Variants in NIBAN2 observed in about 807,000 individuals in gnomAD.
NIBAN2 encodes the protein protein Niban 2.
Under a neutral mutation model 81.8 loss-of-function variants are expected in NIBAN2, and 36 were observed. The ratio of observed to expected loss-of-function variants is 0.44; its 90% CI spans 0.34 to 0.58. The LOEUF is 0.58. Among genes scored for constraint, NIBAN2 ranks in the 20% least tolerant of loss-of-function variants. NIBAN2 has a pLI of 0.02. For synonymous variants in NIBAN2, 445 were observed against 441.6 expected (o/e 1.01, Z -0.10); for missense variants, 897 against 1,014.1 (o/e 0.88, Z 1.57).
intron 1 of NIBAN2, among the ~76,000 whole-genome samples, chr9:127,538,121 AC>A (rs1231151934): frequency 6.6e-6 from 1 of 152,090 alleles, no homozygotes; most frequent in African/African-American, 2.4e-5. Context: ...CTGAGAGCCA[AC>A]CCTTTCAGCA....
rs745411805 is a variant in NIBAN2, at chr9:127,517,040, T to C, written c.811-21A>G. ...GAGATCTGTGGGCAGAGCAGCTGAA[T>C]TGGCACCAGGGCTGAGGGCACCGCA... On this transcript the variant is annotated intron_variant, in intron 7 of 13. Transcript: ENST00000373312. The surrounding 1 kb of genome is among the most constrained non-coding windows in gnomAD (Gnocchi z 4.0). 48 of 1,611,928 alleles carry C rather than the reference T, an allele frequency of 3.0e-5. 1 individual carries two copies. Among genetic ancestry groups the C allele is most frequent in the Non-Finnish European group, 3.7e-5 (44 of 1,178,572 alleles).
chr9:127,538,000 C>T (rs1837309686), intron 1 of NIBAN2, among the ~76,000 whole-genome samples: 1 of 152,178 alleles, frequency 6.6e-6, no homozygotes, highest in Admixed American at 6.6e-5. Flanking sequence ...CCTCTGTCTC[C>T]ACCTGGTGTC....
intron 4 of NIBAN2, chr9:127,524,737 G>A (rs1837028058): frequency 3.8e-6 from 1 of 260,218 alleles, no homozygotes; most frequent in Non-Finnish European, 7.5e-6. Flanking sequence ...TCATCAGAGA[G>A]GCCAATGTTG....
chr9:127,527,222 T>G lies in NIBAN2; in HGVS notation c.287A>C (p.Tyr96Ser), dbSNP rs770984314. The G allele has an allele frequency of 7.4e-6, 12 of 1,613,498 alleles. No individual in the cohort carries two copies. In the East Asian group the frequency reaches 2.7e-4, roughly 36 times the overall value. ...TTTGTTTTCGTAGAGCACCAGCCCG[T>G]AGTTGTGGGGCACGAGGCTGAAGCG... The part of the protein sequence containing the change: ...RNRFSLVPHN[Y>S]GLVLYENKAA... Residue 96 changes from tyrosine (Y) to serine (S), a missense_variant, in exon 3 of 14, where the codon TAC becomes TCC. Physicochemically the swap from Tyr to Ser is moderately radical, Grantham distance 144 (BLOSUM62 -2). Around this residue, in one of 3 missense-constraint regions of NIBAN2, gnomAD observed 209 missense variants for 208.4 expected, o/e 1.00. Coordinates refer to ENST00000373312, the MANE Select transcript of NIBAN2 (RefSeq NM_022833.4).
At chr9:127,522,355 C>T (rs568280488) in intron 5 of NIBAN2, among the ~76,000 whole-genome samples, 282 of 152,286 alleles carry the variant, frequency 1.9e-3, no homozygotes, top group Non-Finnish European at 3.4e-3. Context: ...TGCAACCTTC[C>T]ACCTCTGCAC....
chr9:127,539,171 CAG>C (rs1441444911), intron 1 of NIBAN2, among the ~76,000 whole-genome samples: 3 of 152,110 alleles, frequency 2.0e-5, no homozygotes, highest in East Asian at 1.9e-4. Flanking sequence ...AAGTGAGGCT[CAG>C]AGAGACTCAC....
At chr9:127,548,364 C>T (rs779040116) in intron 1 of NIBAN2, among the ~76,000 whole-genome samples, 5 of 152,154 alleles carry the variant, frequency 3.3e-5, no homozygotes, top group Admixed American at 6.5e-5. Flanking sequence ...CTGGCCTTGC[C>T]GCCTCTCCCT....
At chr9:127,573,311 T>TG (rs111871619), upstream of NIBAN2, among the ~76,000 whole-genome samples, 4,158 of 151,588 alleles carry the variant, frequency 0.027, 73 homozygotes, top group Middle Eastern at 0.048. Context: ...CAGAATTTGT[T>TG]GTTTTTTTTT....
chr9:127,540,301 C>T (rs1469191790), intron 1 of NIBAN2, among the ~76,000 whole-genome samples: 12 of 152,130 alleles, frequency 7.9e-5, no homozygotes, highest in Non-Finnish European at 1.8e-4. Context: ...GGTACCAGGC[C>T]CACTGTGCAG....
rs746127851 is a variant in NIBAN2, at chr9:127,516,914, G to T, written c.916C>A (p.Arg306=). 1.2e-6 allele frequency: 2 copies of T among 1,614,176 alleles called. No homozygotes were observed. Among genetic ancestry groups the T allele is most frequent in the Non-Finnish European group, 1.7e-6 (2 of 1,180,030 alleles). Reference sequence around the variant, plus strand: ...GTGATAATTTGGTCCATGTCAGTTCGGATGACGGCCTGCATGGCCGGCTGC... The same window carrying T: ...GTGATAATTTGGTCCATGTCAGTTCTGATGACGGCCTGCATGGCCGGCTGC... ...QVQPAMQAVI[R]TDMDQIITSK... The change falls in exon 8 of 14, where the codon CGA becomes AGA. Residue 306 remains arginine (R), a synonymous_variant. Transcript: ENST00000373312.
Position 127,508,029 on chromosome 9 carries a change from A to T in NIBAN2, c.1543-51T>A. On this transcript the variant is annotated intron_variant, in intron 12 of 13. Transcript: ENST00000373312. This position sits in a 1 kb window ranked among gnomAD's most constrained non-coding sequence, Gnocchi z 6.4. ...AGAGGTCAGGGCCAAGGGTAGAGGGAGGCCTGTGGGCTCCATCCCCCAACT... is the reference window on the plus strand; with the variant it reads ...AGAGGTCAGGGCCAAGGGTAGAGGGTGGCCTGTGGGCTCCATCCCCCAACT... 1.2e-6 allele frequency: 2 copies of T among 1,611,064 alleles called. No homozygotes were observed. The highest frequency in any genetic ancestry group is 1.7e-6 in the Non-Finnish European group (2 of 1,177,418).
At chr9:127,523,938 G>A (rs1374443296) in intron 4 of NIBAN2, 92 bp from the exon 5 acceptor site, 13 of 1,424,592 alleles carry the variant, frequency 9.1e-6, no homozygotes, top group Non-Finnish European at 1.2e-5. Context: ...TCAGCTCTGA[G>A]GTCAGGCTCA....
chr9:127,575,888 C>T (rs1468015335), intron 1 of NIBAN2, among the ~76,000 whole-genome samples: 1 of 152,114 alleles, frequency 6.6e-6, no homozygotes, highest in Non-Finnish European at 1.5e-5. Flanking sequence ...CAGCCTTCAA[C>T]CTCAGCTAAT....
chr9:127,557,947 T>C (rs1588185839), intron 1 of NIBAN2, among the ~76,000 whole-genome samples: 1 of 152,160 alleles, frequency 6.6e-6, no homozygotes, highest in East Asian at 1.9e-4. Context: ...TTGACCAAGG[T>C]CACACAGTGA....
intron 8 of NIBAN2, among the ~76,000 whole-genome samples, chr9:127,512,890 TC>T (rs765565258): frequency 3.3e-5 from 5 of 152,150 alleles, no homozygotes; most frequent in Non-Finnish European, 7.4e-5. Context: ...ATAAAGGAAA[TC>T]AGCCCATCGC....
At chr9:127,540,547 G>T (rs976770924) in intron 1 of NIBAN2, among the ~76,000 whole-genome samples, 1 of 152,212 alleles carries the variant, frequency 6.6e-6, no homozygotes, top group East Asian at 1.9e-4. Flanking sequence ...TCAACCTCGG[G>T]CCAGGTGGTA....
At chr9:127,510,749 T>A (rs759243611) in intron 8 of NIBAN2, among the ~76,000 whole-genome samples, 1 of 152,100 alleles carries the variant, frequency 6.6e-6, no homozygotes, top group Non-Finnish European at 1.5e-5. Context: ...ATTATTTTAT[T>A]TGAGACAGGG....
chr9:127,539,414 G>A (rs1352032312), intron 1 of NIBAN2, among the ~76,000 whole-genome samples: 1 of 152,126 alleles, frequency 6.6e-6, no homozygotes, highest in African/African-American at 2.4e-5. Flanking sequence ...TACAGACGAG[G>A]AAACCGAGGC....
chr9:127,509,137 G>T lies in NIBAN2; in HGVS notation c.1162-6C>A. The T allele has an allele frequency of 6.2e-7, 1 of 1,606,696 alleles. No individual in the cohort carries two copies. Among genetic ancestry groups the T allele is most frequent in the Non-Finnish European group, 8.5e-7 (1 of 1,178,326 alleles). On this transcript the variant is annotated splice_polypyrimidine_tract_variant and splice_region_variant and intron_variant, in intron 9 of 13. Coordinates refer to ENST00000373312, the MANE Select transcript of NIBAN2 (RefSeq NM_022833.4). ...CGGGACAGCTTCTCCATGTACTGCA[G>T]GGGCCGGGGCCGCGGGGGCTGAGCA...
Sources: allele counts gnomAD v4.1 joint callset (sites outside exome capture counted in the v4.1 genomes callset), GRCh38; gene constraint gnomAD v4.1.1; regional missense constraint gnomAD v4.1.1; non-coding constraint Gnocchi (gnomAD v3.1); transcripts MANE v1.5; gene names NCBI Gene and HGNC (gene_info 2026-07-23, HGNC 2026-07-21).